The following HOMER1 variants were observed in gnomAD, a reference collection of about 807,000 sequenced individuals.
HOMER1 encodes the protein homer protein homolog 1.
HOMER1 carries 3 observed loss-of-function variants against 48.9 expected under a neutral mutation model. That is an observed-to-expected ratio of 0.06 (90% CI 0.03 to 0.16). The LOEUF (loss-of-function observed/expected upper bound fraction) is 0.16, where lower values mean the gene tolerates loss of function less well. Among genes scored for constraint, HOMER1 ranks in the 10% least tolerant of loss-of-function variants. HOMER1 has a pLI of 1.00. For synonymous variants in HOMER1, 134 were observed against 146.4 expected (o/e 0.92, Z 0.61); for missense variants, 247 against 411.4 (o/e 0.60, Z 3.46).
intron 1 of HOMER1, among the ~76,000 whole-genome samples, chr5:79,485,682 T>C (rs1005554232): frequency 2.0e-5 from 3 of 152,130 alleles, no homozygotes; most frequent in African/African-American, 4.8e-5. Context: ...TGAAGAGCTA[T>C]GAGAAAGAGA....
At chr5:79,470,262 T>A (rs1751581555) in intron 1 of HOMER1, among the ~76,000 whole-genome samples, 1 of 152,156 alleles carries the variant, frequency 6.6e-6, no homozygotes, top group Non-Finnish European at 1.5e-5. Flanking sequence ...ACAAGGGGTA[T>A]TTTTAAAAGT....
At chr5:79,465,697 A>C (rs994839245) in intron 1 of HOMER1, among the ~76,000 whole-genome samples, 1 of 140,954 alleles carries the variant, frequency 7.1e-6, no homozygotes, top group Non-Finnish European at 1.5e-5. Context: ...GGTTCACGCC[A>C]TTCTCCTGCC....
At chr5:79,388,294 C>T (rs1259306656) in intron 8 of HOMER1, among the ~76,000 whole-genome samples, 2 of 152,036 alleles carry the variant, frequency 1.3e-5, no homozygotes, top group Non-Finnish European at 1.5e-5. Context: ...AATTTAAGAC[C>T]AAAGAAAAAC....
chr5:79,426,312 G>A (rs7723438), intron 5 of HOMER1, among the ~76,000 whole-genome samples: 3,705 of 152,082 alleles, frequency 0.024, 150 homozygotes, highest in African/African-American at 0.084. Context: ...AAAGATATCC[G>A]CAATCCCATG....
intron 1 of HOMER1, among the ~76,000 whole-genome samples, chr5:79,465,759 A>AT (rs1241265616): frequency 6.6e-6 from 1 of 151,420 alleles, no homozygotes; most frequent in East Asian, 1.9e-4. Context: ...CACCCTGCTA[A>AT]TTTTTTGTAT....
At chr5:79,434,021 A>G (rs1750501883) in intron 5 of HOMER1, among the ~76,000 whole-genome samples, 1 of 152,206 alleles carries the variant, frequency 6.6e-6, no homozygotes, top group South Asian at 2.1e-4. Flanking sequence ...CACGTTATCT[A>G]AACATTAGAA....
chr5:79,477,188 T>G (rs1751804752), intron 1 of HOMER1, among the ~76,000 whole-genome samples: 1 of 152,236 alleles, frequency 6.6e-6, no homozygotes, highest in Admixed American at 6.5e-5. Flanking sequence ...CATAGCATCA[T>G]AGCAGTCTAG....
At chr5:79,434,772 T>G (rs1750528575) in intron 5 of HOMER1, among the ~76,000 whole-genome samples, 1 of 152,084 alleles carries the variant, frequency 6.6e-6, no homozygotes, top group Non-Finnish European at 1.5e-5. Flanking sequence ...CTATAGCACT[T>G]GACTAAGGAG....
chr5:79,500,960 A>T (rs1469215592), intron 1 of HOMER1, among the ~76,000 whole-genome samples: 1 of 56,044 alleles, frequency 1.8e-5, no homozygotes, highest in African/African-American at 9.9e-5. Context: ...TGTGAGACAG[A>T]CAGACACACA....
intron 5 of HOMER1, among the ~76,000 whole-genome samples, chr5:79,430,158 GAACTAC>G (rs1214938355): frequency 6.6e-6 from 1 of 151,542 alleles, no homozygotes; most frequent in Non-Finnish European, 1.5e-5. Context: ...AAATTATAAA[GAACTAC>G]AACTCAACAA....
intron 1 of HOMER1, among the ~76,000 whole-genome samples, chr5:79,508,847 A>C (rs1280111065): frequency 6.6e-6 from 1 of 152,248 alleles, no homozygotes; most frequent in African/African-American, 2.4e-5. Context: ...TCCAAAGTAT[A>C]AACTCACTAA....
chr5:79,492,476 G>A (rs1306849897), intron 1 of HOMER1, among the ~76,000 whole-genome samples: 1 of 151,234 alleles, frequency 6.6e-6, no homozygotes, highest in African/African-American at 2.5e-5. Flanking sequence ...TAACTTCTGT[G>A]ACTTTCCTAA....
At chr5:79,411,832 G>A (rs557381379) in intron 5 of HOMER1, among the ~76,000 whole-genome samples, 28 of 152,200 alleles carry the variant, frequency 1.8e-4, no homozygotes, top group African/African-American at 6.5e-4. Flanking sequence ...TTAAAAACAG[G>A]GTGCAGCTGG....
chr5:79,402,135 T>C, intron 5 of HOMER1, 80 bp from the exon 6 acceptor site: 2 of 1,198,704 alleles, frequency 1.7e-6, no homozygotes, highest in South Asian at 2.8e-5. Flanking sequence ...TCAGTTCTAT[T>C]GTAGGGTTTA....
chr5:79,425,440 T>C (rs1349231506), intron 5 of HOMER1, among the ~76,000 whole-genome samples: 1 of 152,080 alleles, frequency 6.6e-6, no homozygotes, highest in Non-Finnish European at 1.5e-5. Flanking sequence ...TTATGCTTTT[T>C]CTTTATTACT....
Position 79,504,102 on chromosome 5 carries a change from T to C in HOMER1, c.5+8668A>G, listed in dbSNP as rs140621987. Among the ~76,000 whole-genome samples, 3 of 152,154 alleles carry C rather than the reference T, an allele frequency of 2.0e-5. 1 individual carries two copies. Among genetic ancestry groups the C allele is most frequent in the East Asian group, 3.9e-4 (2 of 5,188 alleles). Reference sequence around the variant, plus strand: ...GCAACAATGAAATACACAACTAAAATCTTACAGATCATCACTTGGGTAAGG... The same window carrying C: ...GCAACAATGAAATACACAACTAAAACCTTACAGATCATCACTTGGGTAAGG... On this transcript the variant is annotated intron_variant, in intron 1 of 8. Coordinates refer to ENST00000334082, the MANE Select transcript of HOMER1 (RefSeq NM_004272.5).
chr5:79,486,705 T>G (rs542510896), intron 1 of HOMER1, among the ~76,000 whole-genome samples: 1 of 152,142 alleles, frequency 6.6e-6, no homozygotes, highest in Non-Finnish European at 1.5e-5. Context: ...TAATGCCACA[T>G]TGCCTCTCAA....
At chr5:79,389,794 A>T (rs918826879) in intron 8 of HOMER1, among the ~76,000 whole-genome samples, 4 of 152,210 alleles carry the variant, frequency 2.6e-5, no homozygotes, top group Non-Finnish European at 5.9e-5. Context: ...AAGGACTAAG[A>T]CAGGAAACAT....
intron 1 of HOMER1, among the ~76,000 whole-genome samples, chr5:79,500,133 A>G (rs997012811): frequency 2.6e-5 from 4 of 152,272 alleles, no homozygotes; most frequent in African/African-American, 9.6e-5. Flanking sequence ...TTGTGAAACT[A>G]TCTCTGTAGC....
Sources: allele counts gnomAD v4.1 joint callset (sites outside exome capture counted in the v4.1 genomes callset), GRCh38; gene constraint gnomAD v4.1.1; transcripts MANE v1.5; gene names NCBI Gene and HGNC (gene_info 2026-07-23, HGNC 2026-07-21).